Variants in KDM3B observed in about 807,000 individuals in gnomAD.
KDM3B encodes the protein lysine-specific demethylase 3B.
A neutral mutation model predicts 170.0 loss-of-function variants in KDM3B; 10 were observed. The observed-to-expected ratio is 0.06, with a 90% confidence interval of 0.04 to 0.10. The LOEUF (loss-of-function observed/expected upper bound fraction) is 0.10, where lower values mean the gene tolerates loss of function less well. KDM3B is among the 10% of genes least tolerant of loss of function. The pLI is 1.00. For synonymous variants in KDM3B, 831 were observed against 834.8 expected (o/e 1.00, Z 0.08); for missense variants, 1,394 against 2,195.2 (o/e 0.64, Z 7.29).
chr5:138,383,234 G>C (rs1268980837), intron 6 of KDM3B, among the ~76,000 whole-genome samples: 1 of 152,018 alleles, frequency 6.6e-6, no homozygotes, highest in African/African-American at 2.4e-5. Context: ...CGCCTCCCGG[G>C]TTCAAGTGAT....
Position 138,435,073 on chromosome 5 carries a change from T to C in KDM3B, c.5206-547T>C, listed in dbSNP as rs571446937. Among the ~76,000 whole-genome samples the C allele has an allele frequency of 3.3e-5, 5 of 152,346 alleles. No individual in the cohort carries two copies. In the South Asian group the frequency reaches 6.2e-4, roughly 19 times the overall value. ...TAATATGCCTGTTCACTTTTTTCAA[T>C]AACTTTTATTGTGTGTTCCAATTTC... On this transcript the variant is annotated intron_variant, in intron 23 of 23. Coordinates refer to ENST00000314358, the MANE Select transcript of KDM3B (RefSeq NM_016604.4).
chr5:138,369,033 A>G (rs1761811502), intron 1 of KDM3B, among the ~76,000 whole-genome samples: 1 of 152,130 alleles, frequency 6.6e-6, no homozygotes, highest in Non-Finnish European at 1.5e-5. Context: ...GAATGTTATG[A>G]TTCCTATGTT....
chr5:138,352,890 C>T lies in KDM3B; in HGVS notation c.95C>T (p.Ala32Val), dbSNP rs922637217. 3.6e-6 allele frequency: 5 copies of T among 1,376,230 alleles called. No individual in the cohort carries two copies. In the African/African-American group the frequency reaches 4.6e-5, roughly 13 times the overall value. The allele number at this position is 1,376,230 out of a possible 1,614,324, so 85.3% of individuals were successfully genotyped here. Reference sequence around the variant, plus strand: ...GCCTCGGCCTCGGCTCCCGCGGCGGCAGCGGCGAGCGGAGATCCGGGGCCT... The same window carrying T: ...GCCTCGGCCTCGGCTCCCGCGGCGGTAGCGGCGAGCGGAGATCCGGGGCCT... ...ASASASAPAAAAASGDPGPAL... is the reference protein window; with the variant it reads ...ASASASAPAAVAASGDPGPAL... The change falls in exon 1 of 24, where the codon GCA becomes GTA. Residue 32 changes from alanine (A) to valine (V), a missense_variant. Transcript: ENST00000314358.
chr5:138,375,016 T>C (rs1761961724), intron 2 of KDM3B, 77 bp from the exon 3 acceptor site: 3 of 795,268 alleles, frequency 3.8e-6, no homozygotes. Context: ...ATTATTTCTT[T>C]GAAGTTAGAG....
chr5:138,422,599 C>T (rs916643526), intron 15 of KDM3B, among the ~76,000 whole-genome samples: 1 of 152,112 alleles, frequency 6.6e-6, no homozygotes, highest in Non-Finnish European at 1.5e-5. Flanking sequence ...AAGATCGCAC[C>T]ACCGCACTCC....
At position 138,391,593 on chromosome 5, in the gene KDM3B, C is replaced by G; in HGVS notation, c.1961C>G (p.Ser654Cys). 6.2e-7 allele frequency: 1 copy of G among 1,614,162 alleles called. No homozygotes were observed. Among genetic ancestry groups the G allele is most frequent in the Non-Finnish European group, 8.5e-7 (1 of 1,180,032 alleles). Residue 654 changes from serine to cysteine, a missense_variant, in exon 8 of 24, where the codon TCT becomes TGT. This residue lies in a region of KDM3B where 294 missense variants were observed against 311.7 expected (regional missense o/e 0.94). Coordinates refer to ENST00000314358, the MANE Select transcript of KDM3B (RefSeq NM_016604.4). This position sits in a 1 kb window ranked among gnomAD's most constrained non-coding sequence, Gnocchi z 5.0. ...VEHSPFSSFA[S>C]QASGSSSSAT... Reference sequence around the variant, plus strand: ...CACAGCCCTTTCAGTAGTTTTGCATCTCAGGCATCAGGTAGCTCCTCTTCT... The same window carrying G: ...CACAGCCCTTTCAGTAGTTTTGCATGTCAGGCATCAGGTAGCTCCTCTTCT...
intron 1 of KDM3B, among the ~76,000 whole-genome samples, chr5:138,353,292 G>A (rs1392429232): frequency 6.6e-6 from 1 of 152,230 alleles, no homozygotes; most frequent in Non-Finnish European, 1.5e-5. Flanking sequence ...CGCCTTCGGA[G>A]CAGGCTCTCG....
At position 138,430,422 on chromosome 5, in the gene KDM3B, C is replaced by T. The variant is rs541133556; in HGVS notation, c.5067C>T (p.His1689=). 1.2e-6 allele frequency: 2 copies of T among 1,612,952 alleles called. No individual in the cohort carries two copies. Among genetic ancestry groups the T allele is most frequent in the East Asian group, 4.5e-5 (2 of 44,840 alleles). Reference sequence around the variant, plus strand: ...TTTTCATACCTGCTGGAGCCCCACACCAGGTGGGTTCCTGCTTGGGGGTTG... The same window carrying T: ...TTTTCATACCTGCTGGAGCCCCACATCAGGTGGGTTCCTGCTTGGGGGTTG... ...DAVFIPAGAP[H]QVHNLYSCIK... The change falls in exon 22 of 24, where the codon CAC becomes CAT. Residue 1689 remains histidine (H), a synonymous_variant. Transcript: ENST00000314358.
chr5:138,391,644 C>T lies in KDM3B; in HGVS notation c.2012C>T (p.Ala671Val). 6.2e-7 allele frequency: 1 copy of T among 1,614,138 alleles called. No homozygotes were observed. Among genetic ancestry groups the T allele is most frequent in the Non-Finnish European group, 8.5e-7 (1 of 1,180,026 alleles). The change falls in exon 8 of 24, where the codon GCA (alanine) becomes GTA (valine). Residue 671 changes from alanine to valine, a missense_variant. This residue lies in a region of KDM3B where 294 missense variants were observed against 311.7 expected (regional missense o/e 0.94). Coordinates refer to ENST00000314358, the MANE Select transcript of KDM3B (RefSeq NM_016604.4). The surrounding 1 kb of genome is among the most constrained non-coding windows in gnomAD (Gnocchi z 5.0). Reference sequence around the variant, plus strand: ...GCTACCACTGTCACCTCCAAGGTGGCACCCAGCTGGCCCGAGTCTCACTCC... The same window carrying T: ...GCTACCACTGTCACCTCCAAGGTGGTACCCAGCTGGCCCGAGTCTCACTCC... Reference protein sequence around the residue: ...SSATTVTSKVAPSWPESHSSA... With the variant: ...SSATTVTSKVVPSWPESHSSA...
At chr5:138,423,853 A>G (rs1481692677) in intron 15 of KDM3B, among the ~76,000 whole-genome samples, 1 of 152,186 alleles carries the variant, frequency 6.6e-6, no homozygotes, top group South Asian at 2.1e-4. Context: ...GGATCTTTCT[A>G]TACTTTTCTT....
chr5:138,360,665 G>C (rs1423976608), intron 1 of KDM3B, among the ~76,000 whole-genome samples: 1 of 150,528 alleles, frequency 6.6e-6, no homozygotes, highest in East Asian at 2.0e-4. Flanking sequence ...TCCACCTCCC[G>C]GGTTCAAGTG....
intron 2 of KDM3B, chr5:138,374,293 G>A (rs987644263): frequency 1.6e-5 from 7 of 436,712 alleles, no homozygotes; most frequent in East Asian, 8.1e-5. Context: ...ATGGAGTTTC[G>A]TTCTTGTTGC....
intron 3 of KDM3B, among the ~76,000 whole-genome samples, chr5:138,376,871 TAAAAC>T (rs1360108682): frequency 1.8e-4 from 27 of 152,274 alleles, no homozygotes; most frequent in Admixed American, 1.4e-3. Context: ...AGTTAATAGT[TAAAAC>T]AAACCAGCGT....
At chr5:138,394,759 C>G (rs1028248554) in intron 9 of KDM3B, among the ~76,000 whole-genome samples, 15 of 152,132 alleles carry the variant, frequency 9.9e-5, no homozygotes, top group African/African-American at 3.4e-4. Flanking sequence ...ATGCGTGACA[C>G]TGATTAATGT....
intron 17 of KDM3B, 88 bp from the exon 18 acceptor site, chr5:138,426,881 GAAAAAA>G (rs59368427): frequency 0.23 from 165,317 of 711,510 alleles, 22,220 homozygotes; most frequent in East Asian, 0.53. Context: ...AAAAAAAAAA[GAAAAAA>G]AAGAGATTAG....
intron 9 of KDM3B, 161 bp from the exon 10 acceptor site, chr5:138,398,017 C>T: frequency 1.7e-6 from 1 of 583,494 alleles, no homozygotes; most frequent in Non-Finnish European, 3.0e-6. Flanking sequence ...TGTTAACAAG[C>T]TTTACTATTA....
intron 11 of KDM3B, among the ~76,000 whole-genome samples, chr5:138,403,677 CAA>C (rs35608823): frequency 1.3e-4 from 17 of 132,198 alleles, no homozygotes; most frequent in Non-Finnish European, 1.4e-4. Context: ...AACTCTGTCT[CAA>C]AAAAAAAAAA....
rs1375133703 is a variant in KDM3B, at chr5:138,391,724, T to G, written c.2092T>G (p.Ser698Ala). 3 of 1,613,966 alleles carry G rather than the reference T, an allele frequency of 1.9e-6. No homozygotes were observed. Among genetic ancestry groups the G allele is most frequent in the Non-Finnish European group, 2.5e-6 (3 of 1,180,006 alleles). ...GAAACCCCTCTTCATTACAACTGAC[T>G]CCTCCAAGCTAGTATCTGGTGTTCT... ...KKKPLFITTD[S>A]SKLVSGVLGS... The change falls in exon 8 of 24, where the codon TCC (serine) becomes GCC (alanine). Residue 698 changes from serine (S) to alanine (A), a missense_variant. By Grantham distance (99) the Ser-to-Ala change is moderately conservative (BLOSUM62 1). Transcript: ENST00000314358. The surrounding 1 kb of genome is among the most constrained non-coding windows in gnomAD (Gnocchi z 5.0).
At chr5:138,360,781 A>C (rs1043905536) in intron 1 of KDM3B, among the ~76,000 whole-genome samples, 1 of 151,980 alleles carries the variant, frequency 6.6e-6, no homozygotes, top group African/African-American at 2.4e-5. Context: ...TAATAGAGAC[A>C]GGGTTTTACC....
Sources: allele counts gnomAD v4.1 joint callset (sites outside exome capture counted in the v4.1 genomes callset), GRCh38; gene constraint gnomAD v4.1.1; regional missense constraint gnomAD v4.1.1; non-coding constraint Gnocchi (gnomAD v3.1); transcripts MANE v1.5; gene names NCBI Gene and HGNC (gene_info 2026-07-23, HGNC 2026-07-21).